ST3GAL3: variants seen among roughly 807,000 people sequenced by gnomAD.
ST3GAL3 encodes CMP-N-acetylneuraminate-beta-1,4-galactoside alpha-2,3-sialyltransferase.
Under a neutral mutation model 50.1 loss-of-function variants are expected in ST3GAL3, and 21 were observed. The ratio of observed to expected loss-of-function variants is 0.42; its 90% CI spans 0.30 to 0.60. The LOEUF is 0.60. ST3GAL3 is among the 20% of genes least tolerant of loss of function. The pLI, the probability that ST3GAL3 is intolerant of heterozygous loss-of-function variation, is 0.19. For missense variants in ST3GAL3, 353 were observed against 489.4 expected (o/e 0.72, Z 2.63); for synonymous variants, 183 against 190.0 (o/e 0.96, Z 0.30).
At chr1:43,722,614 A>T (rs2154074452) in intron 1 of ST3GAL3, among the ~76,000 whole-genome samples, 1 of 152,324 alleles carries the variant, frequency 6.6e-6, no homozygotes, top group East Asian at 1.9e-4. Flanking sequence ...GGATGGTGGC[A>T]GTGAAGAGGG....
At chr1:43,721,667 C>T (rs1670543965) in intron 1 of ST3GAL3, among the ~76,000 whole-genome samples, 1 of 151,846 alleles carries the variant, frequency 6.6e-6, no homozygotes, top group Non-Finnish European at 1.5e-5. Flanking sequence ...GATGGTGTGA[C>T]CTCGGCTCAC....
At chr1:43,846,752 G>C (rs2066320489) in intron 5 of ST3GAL3, among the ~76,000 whole-genome samples, 1 of 152,164 alleles carries the variant, frequency 6.6e-6, no homozygotes, top group Non-Finnish European at 1.5e-5. Context: ...GCCTGCCTCA[G>C]CCTCCCAAAG....
chr1:43,897,354 A>G (rs1048255988), intron 6 of ST3GAL3, among the ~76,000 whole-genome samples: 1 of 152,228 alleles, frequency 6.6e-6, no homozygotes, highest in Non-Finnish European at 1.5e-5. Context: ...TAACAACTCC[A>G]CAAAATAGGA....
intron 5 of ST3GAL3, among the ~76,000 whole-genome samples, chr1:43,888,964 A>G (rs779234629): frequency 9.2e-5 from 14 of 152,346 alleles, no homozygotes; most frequent in South Asian, 2.1e-4. Flanking sequence ...TAGAAAAGAC[A>G]TATGCATTAA....
intron 4 of ST3GAL3, among the ~76,000 whole-genome samples, chr1:43,823,187 A>G (rs1458931081): frequency 6.6e-6 from 1 of 152,166 alleles, no homozygotes; most frequent in African/African-American, 2.4e-5. Context: ...CACTGAAGCC[A>G]AAGTGATCCC....
rs113224115 is a variant in ST3GAL3, at chr1:43,815,660, T to C, written c.209+727T>C. 4.1e-4 allele frequency among the ~76,000 whole-genome samples: 63 copies of C among 152,350 alleles called. 4 individuals are homozygous for C. The highest frequency in any genetic ancestry group is 1.3e-3 in the African/African-American group (55 of 41,590). On this transcript the variant is annotated intron_variant, in intron 4 of 11. Transcript: ENST00000347631. ...TCTTTATGATTTGGGTCAAGCTACT[T>C]AACCACTCTGAGCCTCAGTTTCATC...
Position 43,899,380 on chromosome 1 carries a change from A to G in ST3GAL3, c.557+117A>G. Reference sequence around the variant, plus strand: ...CTGGAGGTCAACGGAAGCCTCAAGAACTCTGGGTTGGAGGGCTTTGGAACA... The same window carrying G: ...CTGGAGGTCAACGGAAGCCTCAAGAGCTCTGGGTTGGAGGGCTTTGGAACA... On this transcript the variant is annotated intron_variant, in intron 8 of 11. Transcript: ENST00000347631. The surrounding 1 kb of genome is among the most constrained non-coding windows in gnomAD (Gnocchi z 5.4). The G allele has an allele frequency of 1.9e-6, 3 of 1,595,894 alleles. No individual in the cohort carries two copies. The highest frequency in any genetic ancestry group is 2.2e-5 in the South Asian group (2 of 89,212).
chr1:43,888,619 A>G (rs1295481656), intron 5 of ST3GAL3, among the ~76,000 whole-genome samples: 1 of 152,248 alleles, frequency 6.6e-6, no homozygotes, highest in African/African-American at 2.4e-5. Context: ...AGATACGAAT[A>G]AAGTTTATAG....
At chr1:43,723,096 CCT>C (rs1671248633) in intron 1 of ST3GAL3, among the ~76,000 whole-genome samples, 1 of 151,530 alleles carries the variant, frequency 6.6e-6, no homozygotes, top group Admixed American at 6.6e-5. Flanking sequence ...GCAACCCTCC[CCT>C]CTCTCTCTTC....
intron 2 of ST3GAL3, among the ~76,000 whole-genome samples, chr1:43,785,437 A>G (rs1354172420): frequency 6.6e-6 from 1 of 152,244 alleles, no homozygotes; most frequent in Non-Finnish European, 1.5e-5. Flanking sequence ...GACTGCAGAC[A>G]GCTTCAATGT....
In ST3GAL3 at chr1:43,920,400, A is replaced by G; in HGVS notation, c.745-4A>G. 1 of 1,613,924 alleles carries G rather than the reference A, an allele frequency of 6.2e-7. No individual in the cohort carries two copies. Among genetic ancestry groups the G allele is most frequent in the Non-Finnish European group, 8.5e-7 (1 of 1,179,978 alleles). On this transcript the variant is annotated splice_region_variant and splice_polypyrimidine_tract_variant and intron_variant, in intron 9 of 11. Transcript: ENST00000347631. The stretch of plus-strand genomic sequence containing the variant: ...GTTGAGGCCCGCTTTTGCTGTGTCC[A>G]CAGAGTGCATCGGATGGCTTCTGGA...
At chr1:43,843,312 T>C (rs2065720586) in intron 5 of ST3GAL3, among the ~76,000 whole-genome samples, 1 of 152,240 alleles carries the variant, frequency 6.6e-6, no homozygotes. Flanking sequence ...GTCAAATGCT[T>C]TTTCTGCATA....
intron 4 of ST3GAL3, among the ~76,000 whole-genome samples, chr1:43,820,853 T>TC (rs2062006090): frequency 6.6e-6 from 1 of 152,208 alleles, no homozygotes; most frequent in African/African-American, 2.4e-5. Flanking sequence ...TTCCACATCT[T>TC]ACTAGCTCTA....
intron 9 of ST3GAL3, among the ~76,000 whole-genome samples, chr1:43,905,319 C>G (rs1244851766): frequency 7.9e-6 from 1 of 126,820 alleles, no homozygotes; most frequent in Non-Finnish European, 1.7e-5. Flanking sequence ...CTTTTCCTCC[C>G]CCTCCTCCTG....
intron 5 of ST3GAL3, among the ~76,000 whole-genome samples, chr1:43,861,984 C>T (rs552908734): frequency 1.3e-5 from 2 of 150,738 alleles, no homozygotes; most frequent in African/African-American, 4.9e-5. Flanking sequence ...GCCAAGATCA[C>T]GCCATTGTAC....
At chr1:43,877,306 T>C (rs2074298963) in intron 5 of ST3GAL3, among the ~76,000 whole-genome samples, 1 of 151,106 alleles carries the variant, frequency 6.6e-6, no homozygotes, top group East Asian at 1.9e-4. Flanking sequence ...TCTGGGGCGA[T>C]GATGATGATT....
chr1:43,898,335 G>T, intron 7 of ST3GAL3, 37 bp downstream of exon 7: 1 of 1,608,302 alleles, frequency 6.2e-7, no homozygotes. Flanking sequence ...ACCCACCGCT[G>T]CCTGGTGGTG....
intron 5 of ST3GAL3, among the ~76,000 whole-genome samples, chr1:43,893,909 C>A (rs1455012646): frequency 6.6e-6 from 1 of 152,202 alleles, no homozygotes; most frequent in African/African-American, 2.4e-5. Flanking sequence ...ATGAATTCTC[C>A]TTCTTCCTCA....
chr1:43,807,423 A>AATAAATAC lies in ST3GAL3; in HGVS notation c.167-7461_167-7460insCATAAATA, dbSNP rs1347774977. The stretch of plus-strand genomic sequence containing the variant: ...AGACCGAGACTCTGTCTCAAAAATA[A>AATAAATAC]ATAAATAAATAAATAAATAAATAAA... On this transcript the variant is annotated intron_variant, in intron 3 of 11. Transcript: ENST00000347631. Among the ~76,000 whole-genome samples, 1,310 of 150,756 alleles carry AATAAATAC rather than the reference A, an allele frequency of 8.7e-3. 27 individuals carry two copies. The highest frequency in any genetic ancestry group is 0.031 in the African/African-American group (1,280 of 41,180).
Sources: gnomAD v4.1 joint callset for allele counts (sites outside exome capture counted in the v4.1 genomes callset) on GRCh38, gnomAD v4.1.1 for gene constraint, Gnocchi (gnomAD v3.1) non-coding constraint, MANE v1.5 for transcripts, NCBI Gene and HGNC (gene_info 2026-07-23, HGNC 2026-07-21) for gene names.